CCDC73: variants seen among roughly 807,000 people sequenced by gnomAD.
CCDC73 encodes coiled-coil domain-containing protein 73.
In CCDC73, 95 loss-of-function variants were observed where a neutral mutation model predicts 116.5. The observed-to-expected ratio is 0.82, with a 90% CI of 0.69 to 0.97. The LOEUF (loss-of-function observed/expected upper bound fraction) is 0.97, where lower values mean the gene tolerates loss of function less well. Among genes scored for constraint, CCDC73 ranks in the 50% least tolerant of loss-of-function variants. CCDC73 has a pLI of 0.00. For synonymous variants in CCDC73, 398 were observed against 401.3 expected, an observed-to-expected ratio of 0.99 and a Z score of 0.10; for missense variants, 1,066 against 1,206.8, an observed-to-expected ratio of 0.88 and a Z score of 1.73.
At position 32,755,697 on chromosome 11, in the gene CCDC73, A is replaced by G. The variant is rs1186823242; in HGVS notation, c.135+4412T>C. Among the ~76,000 whole-genome samples, 62 of 52,696 alleles carry G rather than the reference A, an allele frequency of 1.2e-3. 2 individuals carry two copies. Among genetic ancestry groups the G allele is most frequent in the African/African-American group, 4.8e-3 (59 of 12,300 alleles). The allele number at this position is 52,696 out of a possible 152,430, so 34.6% of individuals were successfully genotyped here. A position where few individuals can be genotyped will look rare whatever the true frequency, so the allele number is the denominator to read the frequency against. ...TATATATATCTCCATATATATGTGT[A>G]TATATATATCTCCATATATATGTGT... is the stretch of plus-strand genomic sequence containing the variant. On this transcript the variant is annotated intron_variant, in intron 2 of 17. Transcript: ENST00000335185.
At chr11:32,639,870 A>C (rs1855717066) in intron 13 of CCDC73, among the ~76,000 whole-genome samples, 1 of 152,186 alleles carries the variant, frequency 6.6e-6, no homozygotes. Context: ...TATACATAAC[A>C]TTGTTATTTT....
chr11:32,693,908 C>T (rs567244496), intron 6 of CCDC73, among the ~76,000 whole-genome samples: 7 of 150,460 alleles, frequency 4.7e-5, no homozygotes, highest in South Asian at 2.1e-4. Context: ...ATTGATGGAA[C>T]GCATCTCAAA....
chr11:32,685,980 A>G (rs1378719938), intron 6 of CCDC73, among the ~76,000 whole-genome samples: 3 of 151,856 alleles, frequency 2.0e-5, no homozygotes, highest in Non-Finnish European at 4.4e-5. Context: ...TCAGCCTCCC[A>G]AAGTGCTGGG....
chr11:32,738,547 G>A (rs112894715), intron 2 of CCDC73, among the ~76,000 whole-genome samples: 4,275 of 152,110 alleles, frequency 0.028, 182 homozygotes, highest in African/African-American at 0.095. Context: ...AAATTGGATT[G>A]TTAGATTTTT....
chr11:32,661,956 T>G (rs887976166), intron 9 of CCDC73, among the ~76,000 whole-genome samples: 1 of 151,714 alleles, frequency 6.6e-6, no homozygotes, highest in East Asian at 1.9e-4. Flanking sequence ...GTCCTTGAGA[T>G]AGTTTGCTGA....
upstream of CCDC73, among the ~76,000 whole-genome samples, chr11:32,798,777 T>C (rs1417659958): frequency 2.0e-5 from 3 of 152,194 alleles, no homozygotes; most frequent in Non-Finnish European, 4.4e-5. Context: ...CTCTCTTGTT[T>C]CCCTTTTTTC....
intron 2 of CCDC73, among the ~76,000 whole-genome samples, chr11:32,739,642 C>A (rs935108928): frequency 2.0e-5 from 3 of 152,128 alleles, no homozygotes; most frequent in African/African-American, 7.2e-5. Context: ...CATCTGCAAA[C>A]AAGGATAATT....
intron 11 of CCDC73, among the ~76,000 whole-genome samples, chr11:32,653,753 C>A (rs1855846958): frequency 6.6e-6 from 1 of 152,048 alleles, no homozygotes. Context: ...AAATAAACTT[C>A]AATAATTATT....
At chr11:32,699,128 A>T in intron 6 of CCDC73, 123 bp downstream of exon 6, 1 of 1,043,214 alleles carries the variant, frequency 9.6e-7, no homozygotes, top group South Asian at 3.1e-5. Context: ...GTATTAAATT[A>T]TGTAATATAT....
intron 7 of CCDC73, among the ~76,000 whole-genome samples, chr11:32,677,387 A>G (rs1163449601): frequency 2.0e-5 from 3 of 152,170 alleles, no homozygotes; most frequent in Non-Finnish European, 4.4e-5. Context: ...ACAGAAGGGC[A>G]TATTACTCAA....
chr11:32,705,243 G>C (rs1407727334), intron 3 of CCDC73, among the ~76,000 whole-genome samples: 1 of 152,218 alleles, frequency 6.6e-6, no homozygotes, highest in African/African-American at 2.4e-5. Context: ...CCACACTGCA[G>C]GTGACTAGAG....
At chr11:32,759,148 G>A (rs900470057) in intron 2 of CCDC73, among the ~76,000 whole-genome samples, 1 of 151,428 alleles carries the variant, frequency 6.6e-6, no homozygotes, top group African/African-American at 2.4e-5. Flanking sequence ...ATGTCCTAGT[G>A]AACTCATTTC....
At chr11:32,767,859 T>A (rs1850456910) in intron 1 of CCDC73, among the ~76,000 whole-genome samples, 1 of 152,104 alleles carries the variant, frequency 6.6e-6, no homozygotes, top group African/African-American at 2.4e-5. Flanking sequence ...TAGGAACACT[T>A]TTACACTGTT....
intron 12 of CCDC73, among the ~76,000 whole-genome samples, chr11:32,646,628 T>C (rs1353022268): frequency 6.6e-6 from 1 of 152,266 alleles, no homozygotes; most frequent in Non-Finnish European, 1.5e-5. Flanking sequence ...TATTACCTAC[T>C]TTCTTGTACA....
upstream of CCDC73, among the ~76,000 whole-genome samples, chr11:32,798,126 T>C (rs1045636772): frequency 6.6e-6 from 1 of 152,258 alleles, no homozygotes; most frequent in Non-Finnish European, 1.5e-5. Context: ...CTGTTGTGTA[T>C]GTGCAAATAT....
intron 2 of CCDC73, among the ~76,000 whole-genome samples, chr11:32,753,693 T>C (rs1218954770): frequency 6.6e-6 from 1 of 152,168 alleles, no homozygotes; most frequent in African/African-American, 2.4e-5. Context: ...CTCGAACTCC[T>C]GACCTCAAGT....
the CCDC73 span, among the ~76,000 whole-genome samples, chr11:32,819,527 A>G: frequency 6.6e-6 from 1 of 151,500 alleles, no homozygotes; most frequent in South Asian, 2.1e-4. Flanking sequence ...CAGTGGCTGG[A>G]ACACAGCTCA....
chr11:32,764,752 C>G (rs1184605262), intron 1 of CCDC73, among the ~76,000 whole-genome samples: 1 of 152,150 alleles, frequency 6.6e-6, no homozygotes, highest in East Asian at 1.9e-4. Flanking sequence ...GGATCAAATT[C>G]ACACATAACA....
chr11:32,749,344 T>C (rs926846233), intron 2 of CCDC73, among the ~76,000 whole-genome samples: 52 of 152,024 alleles, frequency 3.4e-4, no homozygotes, highest in African/African-American at 1.2e-3. Flanking sequence ...AATTGCATTT[T>C]TCAATTCCAG....
Sources: allele counts gnomAD v4.1 joint callset (sites outside exome capture counted in the v4.1 genomes callset), GRCh38; gene constraint gnomAD v4.1.1; transcripts MANE v1.5; gene names NCBI Gene and HGNC (gene_info 2026-07-23, HGNC 2026-07-21).